Variants in GLI2 observed in about 807,000 individuals in gnomAD.
The protein encoded by GLI2 is GLI family zinc finger 2, also known as transcription activator GLI2.
A neutral mutation model predicts 78.9 loss-of-function variants in GLI2; 22 were observed. The observed-to-expected ratio is 0.28, with a 90% CI of 0.20 to 0.40. The LOEUF (loss-of-function observed/expected upper bound fraction) is 0.40, where lower values mean the gene tolerates loss of function less well. GLI2 is among the 10% of genes least tolerant of loss of function. GLI2 has a pLI of 1.00. For missense variants in GLI2, 2,097 were observed against 2,213.2 expected, an observed-to-expected ratio of 0.95 and a Z score of 1.05; for synonymous variants, 974 against 963.7, an observed-to-expected ratio of 1.01 and a Z score of -0.20.
At chr2:120,781,712 G>A (rs1372156729) in intron 1 of GLI2, among the ~76,000 whole-genome samples, 2 of 152,060 alleles carry the variant, frequency 1.3e-5, no homozygotes, top group East Asian at 3.9e-4. Context: ...GGGAAACCCC[G>A]TCTCTACTAA....
chr2:120,771,236 T>C (rs912308055), intron 1 of GLI2, among the ~76,000 whole-genome samples: 1 of 152,184 alleles, frequency 6.6e-6, no homozygotes, highest in African/African-American at 2.4e-5. Flanking sequence ...GACCCTTCCC[T>C]GTGTCGCTCA....
Position 120,787,218 on chromosome 2 carries a change from C to T in GLI2, c.-30-10073C>T, listed in dbSNP as rs148792590. Among the ~76,000 whole-genome samples the T allele has an allele frequency of 1.2e-3, 185 of 152,262 alleles. 5 individuals carry two copies. In the East Asian group the frequency reaches 0.025, roughly 21 times the overall value. On this transcript the variant is annotated intron_variant, in intron 1 of 13. Coordinates refer to ENST00000361492, the MANE Select transcript of GLI2 (RefSeq NM_001374353.1). The stretch of plus-strand genomic sequence containing the variant: ...GGCAGAGGAACCGCGTGATCAGAGT[C>T]ACAGACAGCATGACTGCGGTGGAAT...
chr2:120,786,984 C>T (rs1192852204), intron 1 of GLI2, among the ~76,000 whole-genome samples: 3 of 152,218 alleles, frequency 2.0e-5, no homozygotes, highest in African/African-American at 7.2e-5. Context: ...GTCTCTGAGT[C>T]AGTCAACAAA....
chr2:120,925,888 C>T (rs1034143534), intron 2 of GLI2, among the ~76,000 whole-genome samples: 13 of 151,236 alleles, frequency 8.6e-5, no homozygotes, highest in Non-Finnish European at 1.9e-4. Context: ...CTGGCTAACA[C>T]GGTGAAACCT....
rs1683239808 is a variant in GLI2, at chr2:120,990,413, T to C, written c.4448T>C (p.Val1483Ala). Residue 1483 changes from valine (V) to alanine (A), a missense_variant, in exon 14 of 14, where the codon GTG becomes GCG. Transcript: ENST00000361492. ...SPGVNQVSST[V>A]DSQLLEAPQI... ...GGGGTCAACCAGGTGTCCAGCACTG[T>C]GGACTCCCAGCTCCTGGAGGCCCCC... The C allele has an allele frequency of 6.2e-7, 1 of 1,614,054 alleles. No individual in the cohort carries two copies. The highest frequency in any genetic ancestry group is 2.2e-5 in the East Asian group (1 of 44,882).
chr2:120,913,994 C>A (rs528923490), intron 2 of GLI2, among the ~76,000 whole-genome samples: 1 of 152,348 alleles, frequency 6.6e-6, no homozygotes, highest in South Asian at 2.1e-4. Flanking sequence ...GATCAAGAAA[C>A]CTCTTGTTGG....
intron 2 of GLI2, among the ~76,000 whole-genome samples, chr2:120,912,925 G>A (rs537880160): frequency 2.0e-5 from 3 of 152,162 alleles, no homozygotes; most frequent in East Asian, 1.9e-4. Context: ...TCCCTTGGGC[G>A]GGGCACCGGC....
intron 2 of GLI2, among the ~76,000 whole-genome samples, chr2:120,864,026 A>G (rs1412800824): frequency 6.6e-6 from 1 of 152,136 alleles, no homozygotes; most frequent in African/African-American, 2.4e-5. Flanking sequence ...ACAAATTCCC[A>G]AGGGCAGTCA....
At chr2:120,968,579 C>T in intron 5 of GLI2, 135 bp from the exon 6 acceptor site, 1 of 735,442 alleles carries the variant, frequency 1.4e-6, no homozygotes, top group South Asian at 1.5e-5. Context: ...CGCCCAAGAG[C>T]CCACAGCTGG....
At chr2:120,808,086 G>C (rs1685046715) in intron 2 of GLI2, among the ~76,000 whole-genome samples, 1 of 152,342 alleles carries the variant, frequency 6.6e-6, no homozygotes, top group Middle Eastern at 3.4e-3. Flanking sequence ...GGGCAGAGCA[G>C]GGCCTCATCC....
chr2:120,813,462 AG>A (rs1685353051), intron 2 of GLI2, among the ~76,000 whole-genome samples: 1 of 152,182 alleles, frequency 6.6e-6, no homozygotes, highest in African/African-American at 2.4e-5. Flanking sequence ...TGATCCCCTC[AG>A]CTGCGTTGAG....
chr2:120,886,158 AAGTGTGTGTG>A (rs1441955177), intron 2 of GLI2, among the ~76,000 whole-genome samples: 4 of 87,018 alleles, frequency 4.6e-5, no homozygotes, highest in African/African-American at 7.8e-5. Flanking sequence ...AATTTTTCCA[AAGTGTGTGTG>A]TGTGTGTGTG....
chr2:120,913,842 C>T (rs527883279), intron 2 of GLI2, among the ~76,000 whole-genome samples: 2 of 152,302 alleles, frequency 1.3e-5, no homozygotes, highest in East Asian at 3.9e-4. Context: ...TAAAGAGGTG[C>T]CTTGGCTCAG....
In GLI2 at chr2:120,990,247, C is replaced by T. The variant is rs146207623; in HGVS notation, c.4282C>T (p.Leu1428Phe). The change falls in exon 14 of 14, where the codon CTC (leucine) becomes TTC (phenylalanine). Residue 1428 changes from leucine (L) to phenylalanine (F), a missense_variant. By Grantham distance (22) the Leu-to-Phe change is conservative (BLOSUM62 0). This residue lies in a region of GLI2 where 1,290 missense variants were observed against 1,261.7 expected (regional missense o/e 1.02). Transcript: ENST00000361492. ...AGGTGGGGCCCCGGACCACAGCATG[C>T]TCTACTACTACGGCCAGATCCACAT... ...DAGGAPDHSM[L>F]YYYGQIHMYE... is the part of the protein sequence containing the mutation. 3.8e-3 allele frequency: 6,200 copies of T among 1,613,696 alleles called. 89 individuals are homozygous for T. In the Admixed American group the frequency reaches 0.046, roughly 12 times the overall value.
chr2:120,985,579 C>T (rs900696128), intron 12 of GLI2, among the ~76,000 whole-genome samples: 1 of 152,166 alleles, frequency 6.6e-6, no homozygotes, highest in Non-Finnish European at 1.5e-5. Flanking sequence ...ATCATGCCTT[C>T]CCAAGAAAGC....
intron 2 of GLI2, among the ~76,000 whole-genome samples, chr2:120,812,389 G>A (rs1415979366): frequency 6.6e-6 from 1 of 152,212 alleles, no homozygotes; most frequent in Non-Finnish European, 1.5e-5. Context: ...AGCTGTGGCG[G>A]TTCCCGTGCA....
chr2:120,972,861 T>C (rs958818151), intron 8 of GLI2, among the ~76,000 whole-genome samples: 5 of 152,140 alleles, frequency 3.3e-5, no homozygotes, highest in Admixed American at 1.3e-4. Context: ...TTGCCACTTA[T>C]TTCTTCTGCT....
At chr2:120,832,160 C>A (rs906513704) in intron 2 of GLI2, among the ~76,000 whole-genome samples, 3 of 152,212 alleles carry the variant, frequency 2.0e-5, no homozygotes, top group African/African-American at 7.2e-5. Context: ...AGAGCCCCGG[C>A]CACTGAGGAC....
chr2:120,781,742 G>A (rs1054064181), intron 1 of GLI2, among the ~76,000 whole-genome samples: 4 of 152,168 alleles, frequency 2.6e-5, no homozygotes, highest in Non-Finnish European at 5.9e-5. Context: ...AATTAGCTGA[G>A]TGTGGTGGTG....
Sources: gnomAD v4.1 joint callset for allele counts (sites outside exome capture counted in the v4.1 genomes callset) on GRCh38, gnomAD v4.1.1 for gene constraint, gnomAD v4.1.1 regional missense constraint, MANE v1.5 for transcripts, NCBI Gene and HGNC (gene_info 2026-07-23, HGNC 2026-07-21) for gene names.